RORA: variants seen among roughly 807,000 people sequenced by gnomAD.
RORA encodes nuclear receptor ROR-alpha.
In RORA, 7 loss-of-function variants were observed where a neutral mutation model predicts 69.5. The ratio of observed to expected loss-of-function variants is 0.10; its 90% CI spans 0.06 to 0.19. The LOEUF is 0.19. RORA is among the 10% of genes least tolerant of loss of function. The pLI is 1.00. For missense variants in RORA, 457 were observed against 663.0 expected, an observed-to-expected ratio of 0.69 and a Z score of 3.41; for synonymous variants, 261 against 240.8, an observed-to-expected ratio of 1.08 and a Z score of -0.78.
chr15:61,063,426 A>C (rs1017444087), intron 1 of RORA, among the ~76,000 whole-genome samples: 2 of 152,268 alleles, frequency 1.3e-5, no homozygotes, highest in Admixed American at 1.3e-4. Context: ...AAATGTATAA[A>C]GCATTTTATC....
intron 1 of RORA, among the ~76,000 whole-genome samples, chr15:61,154,596 A>C (rs1483112137): frequency 2.6e-5 from 4 of 152,222 alleles, no homozygotes; most frequent in Admixed American, 6.5e-5. Flanking sequence ...TAAGAGTAGT[A>C]CAAATTTTAA....
At chr15:60,884,167 A>T (rs1287699793) in intron 1 of RORA, among the ~76,000 whole-genome samples, 1 of 152,088 alleles carries the variant, frequency 6.6e-6, no homozygotes, top group Non-Finnish European at 1.5e-5. Context: ...GTGGTGCTCA[A>T]AATAGAACAG....
chr15:60,882,037 C>G (rs192172249), intron 1 of RORA, among the ~76,000 whole-genome samples: 13 of 152,204 alleles, frequency 8.5e-5, no homozygotes, highest in Admixed American at 8.5e-4. Context: ...TGTTGCGGAA[C>G]TGTCCCCAGT....
At chr15:60,683,051 C>T (rs2070670778) in intron 1 of RORA, among the ~76,000 whole-genome samples, 1 of 152,142 alleles carries the variant, frequency 6.6e-6, no homozygotes, top group Non-Finnish European at 1.5e-5. Context: ...CAGTGTGTTG[C>T]CTGAACTGGA....
At chr15:61,184,596 C>T (rs967859903) in intron 1 of RORA, among the ~76,000 whole-genome samples, 2 of 152,178 alleles carry the variant, frequency 1.3e-5, no homozygotes, top group Admixed American at 6.5e-5. Context: ...AGAGAAGTAA[C>T]TTTGCTTTAT....
intron 2 of RORA, among the ~76,000 whole-genome samples, chr15:60,648,862 T>C (rs1188741903): frequency 6.6e-6 from 1 of 152,116 alleles, no homozygotes; most frequent in African/African-American, 2.4e-5. Context: ...ACTGAATATA[T>C]AGAAGATGGT....
intron 1 of RORA, among the ~76,000 whole-genome samples, chr15:61,000,369 T>C (rs1039116890): frequency 6.6e-6 from 1 of 152,168 alleles, no homozygotes; most frequent in Admixed American, 6.5e-5. Context: ...AGCCAACTAA[T>C]GTAAAAGATG....
chr15:60,751,065 A>G (rs2071716531), intron 1 of RORA, among the ~76,000 whole-genome samples: 1 of 152,212 alleles, frequency 6.6e-6, no homozygotes, highest in African/African-American at 2.4e-5. Context: ...GCAGAATCCA[A>G]GACAGTGCAG....
At chr15:60,812,346 T>C (rs1351547) in intron 1 of RORA, among the ~76,000 whole-genome samples, 54,772 of 151,898 alleles carry the variant, frequency 0.36, 11,572 homozygotes, top group South Asian at 0.48. Context: ...TCTACAAATA[T>C]ATATATTTTT....
intron 1 of RORA, among the ~76,000 whole-genome samples, chr15:60,823,874 G>A (rs1555456145): frequency 6.6e-6 from 1 of 152,044 alleles, no homozygotes; most frequent in African/African-American, 2.4e-5. Context: ...TGCTTCTTTA[G>A]GTCAAGTCCC....
Position 61,021,784 on chromosome 15 carries a change from T to C in RORA, c.166+207269A>G, listed in dbSNP as rs1157486089. Among the ~76,000 whole-genome samples the C allele has an allele frequency of 2.0e-5, 3 of 152,328 alleles. No homozygotes were observed. In the East Asian group the frequency reaches 5.8e-4, roughly 29 times the overall value. On this transcript the variant is annotated intron_variant, in intron 1 of 10. Transcript: ENST00000335670. ...GATGCACGGAAGCACTATCAATAAT[T>C]ACAACAGGAAAACACACTGTCCTAT...
chr15:60,778,170 G>A (rs1184852452), intron 1 of RORA, among the ~76,000 whole-genome samples: 3 of 152,156 alleles, frequency 2.0e-5, no homozygotes, highest in African/African-American at 7.2e-5. Context: ...AGGGATCAAT[G>A]TGCTTCATAA....
At position 60,905,383 on chromosome 15, in the gene RORA, T is replaced by C. The variant is rs957903143; in HGVS notation, c.167-226697A>G. ...CTTAAGAAATGTCAAAGACAGCTCA[T>C]TAGATCAACTTTTTTTTCTGTGTAT... On this transcript the variant is annotated intron_variant, in intron 1 of 10. Coordinates refer to ENST00000335670, the MANE Select transcript of RORA (RefSeq NM_134261.3). This position sits in a 1 kb window ranked among gnomAD's most constrained non-coding sequence, Gnocchi z 4.8. Among the ~76,000 whole-genome samples, 1 of 152,232 alleles carries C rather than the reference T, an allele frequency of 6.6e-6. No individual in the cohort carries two copies. The highest frequency in any genetic ancestry group is 2.4e-5 in the African/African-American group (1 of 41,456).
intron 1 of RORA, among the ~76,000 whole-genome samples, chr15:60,816,967 A>G (rs1456364650): frequency 6.6e-6 from 1 of 152,090 alleles, no homozygotes; most frequent in Non-Finnish European, 1.5e-5. Flanking sequence ...TATGATTGCC[A>G]TTTGCAAAAT....
At chr15:60,789,732 C>T (rs1447984424) in intron 1 of RORA, among the ~76,000 whole-genome samples, 2 of 152,184 alleles carry the variant, frequency 1.3e-5, no homozygotes, top group African/African-American at 4.8e-5. Flanking sequence ...TAGGGGCATT[C>T]TCAGGGCTTT....
intron 1 of RORA, chr15:60,841,075 G>A (rs764045443): frequency 2.0e-6 from 2 of 984,874 alleles, no homozygotes; most frequent in African/African-American, 3.5e-5. Flanking sequence ...CTTACCAAAT[G>A]TTGACTGACT....
At chr15:60,717,554 G>T (rs2071235922) in intron 1 of RORA, among the ~76,000 whole-genome samples, 1 of 152,156 alleles carries the variant, frequency 6.6e-6, no homozygotes, top group Non-Finnish European at 1.5e-5. Flanking sequence ...TTGGCAGTAA[G>T]TTATAAAACC....
intron 2 of RORA, among the ~76,000 whole-genome samples, chr15:60,564,110 C>T (rs527556688): frequency 3.7e-4 from 57 of 152,274 alleles, no homozygotes; most frequent in African/African-American, 1.2e-3. Context: ...GTATACAGCA[C>T]GGCTGTGGAG....
intron 2 of RORA, among the ~76,000 whole-genome samples, chr15:60,564,170 A>G (rs2067652573): frequency 2.0e-5 from 3 of 152,184 alleles, no homozygotes; most frequent in African/African-American, 7.2e-5. Context: ...ATCCCAGCTC[A>G]CACTTCTGTG....
Sources: gnomAD v4.1 joint callset for allele counts (sites outside exome capture counted in the v4.1 genomes callset) on GRCh38, gnomAD v4.1.1 for gene constraint, Gnocchi (gnomAD v3.1) non-coding constraint, MANE v1.5 for transcripts, NCBI Gene and HGNC (gene_info 2026-07-23, HGNC 2026-07-21) for gene names.